Variants in CHFR observed in about 807,000 individuals in gnomAD.
CHFR encodes the protein E3 ubiquitin-protein ligase CHFR.
A neutral mutation model predicts 87.6 loss-of-function variants in CHFR; 57 were observed. The observed-to-expected ratio is 0.65, with a 90% confidence interval of 0.53 to 0.81. The LOEUF is 0.81. Ranked by LOEUF, CHFR falls within the 30% of genes least tolerant of loss-of-function variation. CHFR has a pLI of 0.00. For synonymous variants in CHFR, 381 were observed against 359.2 expected, an observed-to-expected ratio of 1.06 and a Z score of -0.69; for missense variants, 797 against 865.8, an observed-to-expected ratio of 0.92 and a Z score of 1.00.
chr12:132,872,781 C>A (rs2291255), intron 3 of CHFR, among the ~76,000 whole-genome samples: 29,581 of 152,132 alleles, frequency 0.19, 3,040 homozygotes, highest in African/African-American at 0.25. Context: ...GCCATCACAA[C>A]CCCGGTGAAC....
At chr12:132,866,729 A>C (rs1013151488) in intron 6 of CHFR, 1 of 152,222 alleles carries the variant, frequency 6.6e-6, no homozygotes, top group African/African-American at 2.4e-5. Context: ...GGAATGTTAC[A>C]GGAATGTTAC....
At chr12:132,879,395 CT>C (rs1186711276) in intron 2 of CHFR, among the ~76,000 whole-genome samples, 410 of 134,076 alleles carry the variant, frequency 3.1e-3, no homozygotes, top group African/African-American at 7.7e-3. Flanking sequence ...TTTTTTTTTT[CT>C]TTTTTTTTTT....
chr12:132,855,742 C>G (rs1951052375), intron 10 of CHFR, among the ~76,000 whole-genome samples: 1 of 152,086 alleles, frequency 6.6e-6, no homozygotes, highest in Non-Finnish European at 1.5e-5. Flanking sequence ...GTATGAATGG[C>G]TGGGTAGAGG....
At chr12:132,879,725 T>C (rs1951722376) in intron 2 of CHFR, among the ~76,000 whole-genome samples, 1 of 152,166 alleles carries the variant, frequency 6.6e-6, no homozygotes, top group African/African-American at 2.4e-5. Flanking sequence ...TCCTCAATAC[T>C]TGCCCTCTCC....
rs1281973967 is a variant in CHFR at position 132,883,426 on chromosome 12, C to CAAA, written c.133+3767_133+3769dup. 7.4e-4 allele frequency among the ~76,000 whole-genome samples: 69 copies of CAAA among 93,038 alleles called. No homozygotes were observed. The East Asian group carries it at 7.4e-3, about 10-fold the overall frequency. The allele number at this position is 93,038 out of a possible 152,430, so 61.0% of individuals were successfully genotyped here. ...GAGAAATAGGAGTGAAACTCCGTCTCAAAAAAAAAAAAAAAAAGACTGGGC... is the reference window on the plus strand; with the variant it reads ...GAGAAATAGGAGTGAAACTCCGTCTCAAAAAAAAAAAAAAAAAAAAGACTGGGC... On this transcript the variant is annotated intron_variant, in intron 2 of 17. Coordinates refer to ENST00000450056, the MANE Select transcript of CHFR (RefSeq NM_001161346.2).
At chr12:132,858,949 C>T in intron 8 of CHFR, 119 bp downstream of exon 8, 1 of 1,000,664 alleles carries the variant, frequency 1.0e-6, no homozygotes, top group Non-Finnish European at 1.4e-6. Context: ...ACAGAGTAAC[C>T]TCAGCAGATG....
intron 15 of CHFR, among the ~76,000 whole-genome samples, chr12:132,844,814 G>A (rs992891486): frequency 5.3e-5 from 8 of 151,210 alleles, no homozygotes; most frequent in African/African-American, 1.7e-4. Flanking sequence ...TACTTTTTTA[G>A]TAGAGATGGG....
chr12:132,851,842 C>A, intron 11 of CHFR, 105 bp from the exon 12 acceptor site: 5 of 1,385,502 alleles, frequency 3.6e-6, no homozygotes, highest in Non-Finnish European at 4.9e-6. Flanking sequence ...GCACCTGAGA[C>A]AGCCGGGGAA....
intron 6 of CHFR, among the ~76,000 whole-genome samples, chr12:132,863,680 G>A (rs902233952): frequency 6.6e-6 from 1 of 152,232 alleles, no homozygotes; most frequent in Non-Finnish European, 1.5e-5. Flanking sequence ...CTTGTAGGGA[G>A]AGCGCTATCT....
chr12:132,843,959 AG>A, intron 16 of CHFR, 67 bp downstream of exon 16: 20 of 923,052 alleles, frequency 2.2e-5, no homozygotes, highest in Middle Eastern at 2.2e-4. Context: ...AAAAAAAAAA[AG>A]AGAGGCAGAA....
At chr12:132,861,838 C>A in intron 6 of CHFR, 1 of 551,816 alleles carries the variant, frequency 1.8e-6, no homozygotes. Flanking sequence ...TGGGGTGGAG[C>A]TGGGGGCAAG....
intron 2 of CHFR, among the ~76,000 whole-genome samples, chr12:132,880,275 T>C (rs1593532548): frequency 1.3e-5 from 2 of 152,134 alleles, no homozygotes; most frequent in African/African-American, 2.4e-5. Flanking sequence ...AAAATCTTAG[T>C]GCCGTTGGGT....
chr12:132,869,897 G>A, intron 5 of CHFR, 99 bp from the exon 6 acceptor site: 4 of 1,379,516 alleles, frequency 2.9e-6, no homozygotes, highest in Non-Finnish European at 4.0e-6. Flanking sequence ...TCTAGGGATT[G>A]AAATGCTCTT....
Position 132,844,013 on chromosome 12 carries a change from C to T in CHFR, c.1843+14G>A, listed in dbSNP as rs747787830. On this transcript the variant is annotated intron_variant, in intron 16 of 17. Coordinates refer to ENST00000450056, the MANE Select transcript of CHFR (RefSeq NM_001161346.2). ...GACAGAACTAGAGCCATGAGGAAGT[C>T]GGGGGCTCCTTACCTGGCAACTCGG... 9 of 1,564,080 alleles carry T rather than the reference C, an allele frequency of 5.8e-6. No homozygotes were observed. The highest frequency in any genetic ancestry group is 4.1e-5 in the African/African-American group (3 of 73,816).
At chr12:132,853,924 A>T (rs916690980) in intron 10 of CHFR, 12 of 233,764 alleles carry the variant, frequency 5.1e-5, no homozygotes, top group African/African-American at 2.1e-4. Context: ...GGACCCGCCT[A>T]CTCTCCCGTT....
chr12:132,872,273 C>T lies in CHFR; in HGVS notation c.343+12G>A. The T allele has an allele frequency of 6.3e-7, 1 of 1,581,186 alleles. No homozygotes were observed. The highest frequency in any genetic ancestry group is 2.2e-5 in the East Asian group (1 of 44,688). Reference sequence around the variant, plus strand: ...TGCGGGTCTGACCCCGGCAAGCCTTCCTCTCTCTTACTGTGTTCCGGTTCA... The same window carrying T: ...TGCGGGTCTGACCCCGGCAAGCCTTTCTCTCTCTTACTGTGTTCCGGTTCA... On this transcript the variant is annotated intron_variant, in intron 4 of 17. Transcript: ENST00000450056.
intron 6 of CHFR, among the ~76,000 whole-genome samples, 184 bp downstream of exon 6, chr12:132,869,435 G>A (rs1347879161): frequency 6.6e-6 from 1 of 152,140 alleles, no homozygotes; most frequent in Non-Finnish European, 1.5e-5. Context: ...TAGAGTCCCT[G>A]ATCTTCACTT....
intron 12 of CHFR, among the ~76,000 whole-genome samples, chr12:132,850,488 C>T (rs918375180): frequency 6.6e-6 from 1 of 152,114 alleles, no homozygotes; most frequent in African/African-American, 2.4e-5. Flanking sequence ...TCTCACCTGC[C>T]CTCCCACGTG....
chr12:132,865,653 C>CTTTTT (rs57560560), intron 6 of CHFR, among the ~76,000 whole-genome samples: 18 of 58,226 alleles, frequency 3.1e-4, no homozygotes, highest in South Asian at 2.3e-3. Flanking sequence ...GATTACAGGT[C>CTTTTT]TTTTTTTTTT....
Sources: gnomAD v4.1 joint callset for allele counts (sites outside exome capture counted in the v4.1 genomes callset) on GRCh38, gnomAD v4.1.1 for gene constraint, MANE v1.5 for transcripts, NCBI Gene and HGNC (gene_info 2026-07-23, HGNC 2026-07-21) for gene names.